CLUAP1: variants seen among roughly 807,000 people sequenced by gnomAD.
The protein encoded by CLUAP1 is intraflagellar transport 38.
A neutral mutation model predicts 55.0 loss-of-function variants in CLUAP1; 50 were observed. The observed-to-expected ratio is 0.91, with a 90% CI of 0.72 to 1.15. CLUAP1 has a LOEUF of 1.15. Among genes scored for constraint, CLUAP1 ranks in the 50% most tolerant of loss-of-function variants. The pLI is 0.00. For missense variants in CLUAP1, 530 were observed against 507.6 expected, an observed-to-expected ratio of 1.04 and a Z score of -0.42; for synonymous variants, 195 against 175.4, an observed-to-expected ratio of 1.11 and a Z score of -0.88.
intron 9 of CLUAP1, among the ~76,000 whole-genome samples, chr16:3,528,314 A>ACT (rs151134070): frequency 1.5e-4 from 22 of 149,134 alleles, no homozygotes; most frequent in East Asian, 6.0e-4. Context: ...TCCCACACAC[A>ACT]CTCTCTCTCT....
At chr16:3,496,096 G>T, upstream of CLUAP1, 2 of 357,060 alleles carry the variant, frequency 5.6e-6, no homozygotes, top group Non-Finnish European at 1.1e-5. Flanking sequence ...AGCCCAGATC[G>T]CGCCACTGCA....
At chr16:3,516,937 C>T (rs2037739661) in intron 6 of CLUAP1, among the ~76,000 whole-genome samples, 1 of 151,944 alleles carries the variant, frequency 6.6e-6, no homozygotes, top group African/African-American at 2.4e-5. Flanking sequence ...GTGGGCTTCT[C>T]CTGGCCAAAG....
intron 11 of CLUAP1, chr16:3,534,055 A>G (rs956336097): frequency 6.6e-6 from 1 of 152,216 alleles, no homozygotes; most frequent in Non-Finnish European, 1.5e-5. Context: ...GTGTTCAGGC[A>G]TCCAACACGT....
chr16:3,506,448 A>G, intron 3 of CLUAP1, 33 bp downstream of exon 3: 1 of 1,515,926 alleles, frequency 6.6e-7, no homozygotes, highest in African/African-American at 1.4e-5. Flanking sequence ...GAGTTGTAAA[A>G]TTAAATAAAC....
intron 6 of CLUAP1, among the ~76,000 whole-genome samples, chr16:3,519,229 T>C (rs2037787518): frequency 6.6e-6 from 1 of 152,194 alleles, no homozygotes; most frequent in South Asian, 2.1e-4. Context: ...TTACTCAGCC[T>C]CTGTTGCCCA....
At chr16:3,505,217 A>G (rs1443150933) in intron 2 of CLUAP1, among the ~76,000 whole-genome samples, 9 of 152,094 alleles carry the variant, frequency 5.9e-5, no homozygotes, top group Non-Finnish European at 8.8e-5. Context: ...CAGCCCGGGC[A>G]GATTGAGACT....
chr16:3,525,275 A>G (rs76012273), intron 8 of CLUAP1, among the ~76,000 whole-genome samples: 2,579 of 152,180 alleles, frequency 0.017, 61 homozygotes, highest in African/African-American at 0.047. Context: ...ATTTTTTTGT[A>G]TTATCTGGGG....
chr16:3,507,986 A>G (rs1488138039), intron 3 of CLUAP1, among the ~76,000 whole-genome samples: 1 of 152,154 alleles, frequency 6.6e-6, no homozygotes, highest in East Asian at 1.9e-4. Context: ...TGTAACAAAT[A>G]ACCTGTACAT....
chr16:3,499,770 G>A (rs748817618), upstream of CLUAP1, among the ~76,000 whole-genome samples: 1 of 152,160 alleles, frequency 6.6e-6, no homozygotes, highest in African/African-American at 2.4e-5. Context: ...ACATTTATGG[G>A]AGGCCATTGT....
intron 6 of CLUAP1, 94 bp downstream of exon 6, chr16:3,515,685 G>T: frequency 1.3e-6 from 1 of 780,368 alleles, no homozygotes; most frequent in African/African-American, 1.8e-5. Flanking sequence ...GCTAGGCTTA[G>T]TAACAAGGGA....
Position 3,504,752 on chromosome 16 carries a change from C to A in CLUAP1, c.55C>A (p.Pro19Thr), listed in dbSNP as rs773994015. 7 of 1,611,792 alleles carry A rather than the reference C, an allele frequency of 4.3e-6. No homozygotes were observed. In the African/African-American group the frequency reaches 8.0e-5, roughly 18 times the overall value. The change falls in exon 2 of 12, where the codon CCT (proline) becomes ACT (threonine). Residue 19 changes from proline (P) to threonine (T), a missense_variant. Transcript: ENST00000576634. ...AGAGATGATGAGAGCCCTGGGATAC[C>A]CTCGACATATTTCTATGGAAAATTT... ...FTEMMRALGY[P>T]RHISMENFRT... is the part of the protein sequence containing the mutation.
At chr16:3,521,658 C>T (rs1258755502) in intron 7 of CLUAP1, among the ~76,000 whole-genome samples, 2 of 152,052 alleles carry the variant, frequency 1.3e-5, no homozygotes, top group East Asian at 1.9e-4. Context: ...TGGTCTTGAA[C>T]TCCTGACCTT....
intron 2 of CLUAP1, 53 bp downstream of exon 2, chr16:3,504,884 T>C: frequency 9.4e-7 from 1 of 1,068,046 alleles, no homozygotes. Flanking sequence ...TTTTATTTAT[T>C]AGTCATCTAG....
In CLUAP1 at chr16:3,530,667, T is replaced by C; in HGVS notation, c.1028T>C (p.Leu343Pro). 6 of 1,613,624 alleles carry C rather than the reference T, an allele frequency of 3.7e-6. No homozygotes were observed. Among genetic ancestry groups the C allele is most frequent in the South Asian group, 1.1e-5 (1 of 91,064 alleles). Residue 343 changes from leucine (L) to proline (P), a missense_variant, in exon 10 of 12, where the codon CTC becomes CCC. Leu to Pro is a moderately conservative substitution (Grantham distance 98). Coordinates refer to ENST00000576634, the MANE Select transcript of CLUAP1 (RefSeq NM_015041.3). ...AAGCCACAGACAGCCATGGAGATGCTCATGCAAGGTACCCCGGCGTCTTTC... is the reference window on the plus strand; with the variant it reads ...AAGCCACAGACAGCCATGGAGATGCCCATGCAAGGTACCCCGGCGTCTTTC... The part of the protein sequence containing the change: ...LPKPQTAMEM[L>P]MQGRPGKRIV...
At chr16:3,511,991 A>G (rs1168476919) in intron 4 of CLUAP1, among the ~76,000 whole-genome samples, 4 of 152,084 alleles carry the variant, frequency 2.6e-5, no homozygotes, top group Non-Finnish European at 4.4e-5. Flanking sequence ...ATTCAAGAGC[A>G]GCCTGACCAA....
upstream of CLUAP1, chr16:3,496,316 C>T (rs879037629): frequency 1.5e-5 from 16 of 1,062,996 alleles, no homozygotes; most frequent in African/African-American, 1.8e-4. Flanking sequence ...ACCGTCCAGA[C>T]GAACTAACTC....
chr16:3,503,274 C>T, intron 1 of CLUAP1, among the ~76,000 whole-genome samples: 1 of 152,116 alleles, frequency 6.6e-6, no homozygotes, highest in East Asian at 1.9e-4. Flanking sequence ...CGCCATTCTC[C>T]TGCCTCAGCC....
At chr16:3,496,207 G>A (rs2037307178), upstream of CLUAP1, 7 of 575,482 alleles carry the variant, frequency 1.2e-5, no homozygotes, top group East Asian at 3.0e-4. Flanking sequence ...CATCATGGGA[G>A]CTGACGTCCG....
chr16:3,498,969 T>C (rs1388268810), upstream of CLUAP1, among the ~76,000 whole-genome samples: 1 of 152,166 alleles, frequency 6.6e-6, no homozygotes, highest in Admixed American at 6.5e-5. Context: ...AAGGGTCTCA[T>C]AGGCAGAATA....
Sources: gnomAD v4.1 joint callset for allele counts (sites outside exome capture counted in the v4.1 genomes callset) on GRCh38, gnomAD v4.1.1 for gene constraint, MANE v1.5 for transcripts, NCBI Gene and HGNC (gene_info 2026-07-23, HGNC 2026-07-21) for gene names.